RC3H2: variants seen among roughly 807,000 people sequenced by gnomAD.
RC3H2 encodes the protein roquin-2.
Under a neutral mutation model 133.3 loss-of-function variants are expected in RC3H2, and 31 were observed. The observed-to-expected ratio is 0.23, with a 90% CI of 0.17 to 0.31. The LOEUF (loss-of-function observed/expected upper bound fraction) is 0.31, where lower values mean the gene tolerates loss of function less well. RC3H2 is among the 10% of genes least tolerant of loss of function. The probability of loss-of-function intolerance (pLI) is 1.00; values close to 1 mark genes in which losing one functional copy is unlikely to be tolerated. For missense variants in RC3H2, 1,175 were observed against 1,437.2 expected (o/e 0.82, Z 2.95); for synonymous variants, 517 against 502.2 (o/e 1.03, Z -0.40).
chr9:122,874,443 A>T (rs1478545952), intron 9 of RC3H2: 1 of 152,088 alleles, frequency 6.6e-6, no homozygotes. Flanking sequence ...AAACACTAAA[A>T]ATGTGACCAA....
At chr9:122,852,436 C>T (rs1830076215) in intron 18 of RC3H2, among the ~76,000 whole-genome samples, 1 of 150,402 alleles carries the variant, frequency 6.6e-6, no homozygotes, top group Non-Finnish European at 1.5e-5. Context: ...TGGCCAGCCG[C>T]CCCGTCCGGG....
At position 122,879,264 on chromosome 9, in the gene RC3H2, C is replaced by T. The variant is rs373687789; in HGVS notation, c.1212+491G>A. 1.2e-3 allele frequency among the ~76,000 whole-genome samples: 182 copies of T among 151,856 alleles called. 5 individuals are homozygous for T. In the South Asian group the frequency reaches 0.036, roughly 30 times the overall value. Reference sequence around the variant, plus strand: ...CAAAAATTAGCAGGGCGTGGTGGCACTTGCCTGTAATCCCAGTTACTTGGG... The same window carrying T: ...CAAAAATTAGCAGGGCGTGGTGGCATTTGCCTGTAATCCCAGTTACTTGGG... On this transcript the variant is annotated intron_variant, in intron 8 of 20. Transcript: ENST00000357244.
At position 122,855,421 on chromosome 9, in the gene RC3H2, T is replaced by C. The variant is rs1441117227; in HGVS notation, c.2602-24A>G. The C allele has an allele frequency of 2.5e-6, 4 of 1,589,016 alleles. No individual in the cohort carries two copies. The Admixed American group carries it at 5.0e-5, about 20-fold the overall frequency. On this transcript the variant is annotated intron_variant, in intron 14 of 20. Transcript: ENST00000357244. ...TCCTATGTAAACCAAAGAAAATCAA[T>C]AAAAGGACTGTTGGCAATTACTTCA...
At chr9:122,859,251 G>GATTTTTTTTTT (rs1564287865) in intron 11 of RC3H2, 149 bp from the exon 12 acceptor site, 2 of 307,350 alleles carry the variant, frequency 6.5e-6, no homozygotes, top group Admixed American at 1.1e-4. Flanking sequence ...TTATACCCTG[G>GATTTTTTTTTT]CTTTTTTTTT....
intron 3 of RC3H2, among the ~76,000 whole-genome samples, chr9:122,890,980 A>G (rs896144180): frequency 1.3e-5 from 2 of 149,158 alleles, no homozygotes; most frequent in South Asian, 4.2e-4. Context: ...AAATATTTTC[A>G]TTGATCCTGC....
At chr9:122,896,135 A>G (rs1227495267) in intron 2 of RC3H2, among the ~76,000 whole-genome samples, 8 of 151,464 alleles carry the variant, frequency 5.3e-5, no homozygotes, top group African/African-American at 1.9e-4. Flanking sequence ...AAAAAAAAAA[A>G]AAACTTTACG....
intron 1 of RC3H2, among the ~76,000 whole-genome samples, chr9:122,900,352 A>C (rs1832608678): frequency 1.3e-5 from 2 of 152,194 alleles, no homozygotes; most frequent in Non-Finnish European, 2.9e-5. Context: ...GATCAGATGT[A>C]AGAAACGCTT....
At chr9:122,880,237 C>T (rs1345822456) in intron 6 of RC3H2, 112 bp from the exon 7 acceptor site, 3 of 1,198,174 alleles carry the variant, frequency 2.5e-6, no homozygotes, top group Non-Finnish European at 3.7e-6. Flanking sequence ...CTTCAGATTC[C>T]ACAGTAGGAG....
At chr9:122,899,860 A>C (rs1229849638) in intron 1 of RC3H2, among the ~76,000 whole-genome samples, 1 of 152,222 alleles carries the variant, frequency 6.6e-6, no homozygotes, top group African/African-American at 2.4e-5. Context: ...CCTGTTTGGA[A>C]ATGTTAATTC....
intron 9 of RC3H2, chr9:122,873,795 TATACC>T (rs1415975916): frequency 6.6e-6 from 1 of 152,176 alleles, no homozygotes; most frequent in Non-Finnish European, 1.5e-5. Context: ...GTTTTATAAC[TATACC>T]ATAATTTTTA....
chr9:122,893,090 T>C, intron 2 of RC3H2, 64 bp from the exon 3 acceptor site: 1 of 1,549,250 alleles, frequency 6.5e-7, no homozygotes, highest in Non-Finnish European at 8.7e-7. Context: ...AACTATTATT[T>C]ATGTACTTGA....
rs913612945 is a variant in RC3H2, at chr9:122,845,631, T to C, written c.*3996A>G. 1 of 152,228 alleles carries C rather than the reference T, an allele frequency of 6.6e-6. No homozygotes were observed. Among genetic ancestry groups the C allele is most frequent in the African/African-American group, 2.4e-5 (1 of 41,464 alleles). The allele number at this position is 152,228 out of a possible 1,614,324, so 9.4% of individuals were successfully genotyped here. A position where few individuals can be genotyped will look rare whatever the true frequency, so the allele number is the denominator to read the frequency against. ...GACTCCACTCAAATGTGGGGTGTTT[T>C]GATCTGTGGTCTTGACGCCTTGTAT... On this transcript the variant is annotated 3_prime_UTR_variant, in exon 21 of 21. Coordinates refer to ENST00000357244, the MANE Select transcript of RC3H2 (RefSeq NM_001100588.3).
At chr9:122,903,640 T>C (rs1832738963) in intron 1 of RC3H2, among the ~76,000 whole-genome samples, 1 of 152,220 alleles carries the variant, frequency 6.6e-6, no homozygotes, top group Admixed American at 6.5e-5. Flanking sequence ...ATAGAACAAG[T>C]GCCTGTTTGA....
rs1829857913 is a variant in RC3H2 at position 122,845,847 on chromosome 9, GA to G, written c.*3779del. 6.6e-6 allele frequency: 1 copy of G among 152,084 alleles called. No individual in the cohort carries two copies. Among genetic ancestry groups the G allele is most frequent in the Non-Finnish European group, 1.5e-5 (1 of 67,998 alleles). 9.4% of individuals were successfully genotyped at this position (152,084 alleles called of 1,614,324 possible). On this transcript the variant is annotated 3_prime_UTR_variant, in exon 21 of 21. Coordinates refer to ENST00000357244, the MANE Select transcript of RC3H2 (RefSeq NM_001100588.3). ...AGCCTCTTCATTCACTAAAACAAAAGAAAAGTTCTTCCAGGAAACCAATGCA... is the reference window on the plus strand; with the variant it reads ...AGCCTCTTCATTCACTAAAACAAAAGAAAGTTCTTCCAGGAAACCAATGCA...
Position 122,871,126 on chromosome 9 carries a change from T to C in RC3H2, c.1326-5469A>G, listed in dbSNP as rs142037109. Among the ~76,000 whole-genome samples the C allele has an allele frequency of 5.9e-5, 9 of 152,306 alleles. No homozygotes were observed. The East Asian group carries it at 1.3e-3, about 23-fold the overall frequency. Reference sequence around the variant, plus strand: ...AATTCCAGTAACCTTCCTGCACCTGTAGCCACATTCCTCTTAAAGATAAGG... The same window carrying C: ...AATTCCAGTAACCTTCCTGCACCTGCAGCCACATTCCTCTTAAAGATAAGG... On this transcript the variant is annotated intron_variant, in intron 9 of 20. Transcript: ENST00000357244.
At chr9:122,853,418 C>T (rs1260634219) in intron 18 of RC3H2, among the ~76,000 whole-genome samples, 1 of 150,746 alleles carries the variant, frequency 6.6e-6, no homozygotes, top group Non-Finnish European at 1.5e-5. Flanking sequence ...GATTTTATAC[C>T]TGTGGAACCT....
At chr9:122,872,368 A>G (rs1831137212) in intron 9 of RC3H2, among the ~76,000 whole-genome samples, 1 of 152,238 alleles carries the variant, frequency 6.6e-6, no homozygotes, top group Non-Finnish European at 1.5e-5. Flanking sequence ...CTGTGGACCA[A>G]TATAGAAGTT....
chr9:122,849,537 AT>A lies in RC3H2; in HGVS notation c.*89del, dbSNP rs1334909756. On this transcript the variant is annotated 3_prime_UTR_variant, in exon 21 of 21. Coordinates refer to ENST00000357244, the MANE Select transcript of RC3H2 (RefSeq NM_001100588.3). ...CAGTAATATCTTTTTTTTAAAAAAA[AT>A]ATACATTATATAATATATATTATAT... 2 of 466,550 alleles carry A rather than the reference AT, an allele frequency of 4.3e-6. No homozygotes were observed. The highest frequency in any genetic ancestry group is 3.2e-6 in the Non-Finnish European group (1 of 315,328). 28.9% of individuals were successfully genotyped at this position (466,550 alleles called of 1,614,324 possible).
At chr9:122,868,080 C>T (rs1382475983) in intron 9 of RC3H2, among the ~76,000 whole-genome samples, 1 of 135,914 alleles carries the variant, frequency 7.4e-6, no homozygotes, top group Non-Finnish European at 1.6e-5. Context: ...GGGGGGTCAG[C>T]ACCCCGCCCG....
Sources: allele counts gnomAD v4.1 joint callset (sites outside exome capture counted in the v4.1 genomes callset), GRCh38; gene constraint gnomAD v4.1.1; transcripts MANE v1.5; gene names NCBI Gene and HGNC (gene_info 2026-07-23, HGNC 2026-07-21).